DNAJC15: variants seen among roughly 807,000 people sequenced by gnomAD.
The protein encoded by DNAJC15 is dnaJ homolog subfamily C member 15.
DNAJC15 carries 27 observed loss-of-function variants against 22.4 expected under a neutral mutation model. The observed-to-expected ratio is 1.20, with a 90% CI of 0.89 to 1.66. The LOEUF is 1.66. Ranked by LOEUF, DNAJC15 falls within the 40% of genes most tolerant of loss-of-function variation. The pLI, the probability that DNAJC15 is intolerant of heterozygous loss-of-function variation, is 0.00. For missense variants in DNAJC15, 208 were observed against 187.1 expected (o/e 1.11, Z -0.65); for synonymous variants, 79 against 63.2 (o/e 1.25, Z -1.19).
chr13:43,109,336 T>C lies in DNAJC15; in HGVS notation c.*2088T>C, dbSNP rs2040813778. The C allele has an allele frequency of 6.6e-6, 1 of 152,234 alleles. No individual in the cohort carries two copies. The highest frequency in any genetic ancestry group is 1.5e-5 in the Non-Finnish European group (1 of 68,026). The allele number at this position is 152,234 out of a possible 1,614,324, so 9.4% of individuals were successfully genotyped here. ...ATTCATCTTTGTAACCTCTTTACTCTGGAGCACTTGCATTTAGCAGGCATC... is the reference window on the plus strand; with the variant it reads ...ATTCATCTTTGTAACCTCTTTACTCCGGAGCACTTGCATTTAGCAGGCATC... On this transcript the variant is annotated 3_prime_UTR_variant, in exon 6 of 6. Transcript: ENST00000379221.
intron 1 of DNAJC15, among the ~76,000 whole-genome samples, chr13:43,052,363 A>G (rs1463265144): frequency 2.0e-5 from 3 of 151,990 alleles, no homozygotes; most frequent in East Asian, 1.9e-4. Flanking sequence ...ATGTTGAGCC[A>G]TATGTTTTTT....
At chr13:43,031,095 C>T (rs935169349) in intron 1 of DNAJC15, among the ~76,000 whole-genome samples, 9 of 152,114 alleles carry the variant, frequency 5.9e-5, no homozygotes, top group African/African-American at 2.2e-4. Context: ...GAGGGGATGA[C>T]TGGGTTAAAT....
intron 1 of DNAJC15, among the ~76,000 whole-genome samples, chr13:43,035,723 A>G (rs2153439594): frequency 6.6e-6 from 1 of 152,024 alleles, no homozygotes; most frequent in African/African-American, 2.4e-5. Context: ...TTTAATTTTA[A>G]TATTTTATTT....
chr13:43,080,840 C>T (rs952323601), intron 4 of DNAJC15, among the ~76,000 whole-genome samples: 2 of 152,182 alleles, frequency 1.3e-5, no homozygotes, highest in African/African-American at 4.8e-5. Flanking sequence ...AGATATTTGT[C>T]CTAACACATT....
rs2040814666 is a variant in DNAJC15 at position 43,109,556 on chromosome 13, C to A, written c.*2308C>A. 1 of 152,190 alleles carries A rather than the reference C, an allele frequency of 6.6e-6. No homozygotes were observed. The highest frequency in any genetic ancestry group is 1.5e-5 in the Non-Finnish European group (1 of 68,034). 9.4% of individuals were successfully genotyped at this position (152,190 alleles called of 1,614,324 possible). A position where few individuals can be genotyped will look rare whatever the true frequency, so the allele number is the denominator to read the frequency against. ...TCACCCCAGCATTAGCTTGGAATTT[C>A]CTTATTTCCCATTTGCTTTGCAGGT... On this transcript the variant is annotated 3_prime_UTR_variant, in exon 6 of 6. Coordinates refer to ENST00000379221, the MANE Select transcript of DNAJC15 (RefSeq NM_013238.3).
At chr13:43,064,105 T>C (rs1422474283) in intron 1 of DNAJC15, among the ~76,000 whole-genome samples, 1 of 152,216 alleles carries the variant, frequency 6.6e-6, no homozygotes, top group East Asian at 1.9e-4. Flanking sequence ...AATCTTCTTT[T>C]ACTGAAATGG....
intron 1 of DNAJC15, among the ~76,000 whole-genome samples, chr13:43,060,988 T>G (rs942335063): frequency 2.6e-5 from 4 of 152,150 alleles, no homozygotes; most frequent in Non-Finnish European, 5.9e-5. Context: ...CTGAGCTTGT[T>G]GTGTAGGGAA....
intron 3 of DNAJC15, among the ~76,000 whole-genome samples, chr13:43,075,223 A>G (rs1363008866): frequency 6.6e-6 from 1 of 152,182 alleles, no homozygotes; most frequent in Non-Finnish European, 1.5e-5. Context: ...TCGTAATAAA[A>G]TCAGTGTTCA....
Position 43,087,929 on chromosome 13 carries a change from C to T in DNAJC15, c.382+2091C>T, listed in dbSNP as rs61366047. ...AATGTAGTGAGATAAAAAAATAATG[C>T]AGTAAAAACATTTCGTGTCCTTGAT... is the stretch of plus-strand genomic sequence containing the variant. On this transcript the variant is annotated intron_variant, in intron 5 of 5. Transcript: ENST00000379221. Among the ~76,000 whole-genome samples the T allele has an allele frequency of 3.1e-3, 474 of 152,234 alleles. 1 individual carries two copies. Among genetic ancestry groups the T allele is most frequent in the African/African-American group, 0.011 (463 of 41,550 alleles).
At chr13:43,051,965 T>A (rs951555261) in intron 1 of DNAJC15, among the ~76,000 whole-genome samples, 1 of 152,028 alleles carries the variant, frequency 6.6e-6, no homozygotes, top group African/African-American at 2.4e-5. Flanking sequence ...ATTTTTTGAT[T>A]ATTATTATTA....
At chr13:43,040,411 T>C (rs551215089) in intron 1 of DNAJC15, among the ~76,000 whole-genome samples, 1 of 152,366 alleles carries the variant, frequency 6.6e-6, no homozygotes, top group East Asian at 1.9e-4. Flanking sequence ...AATAATCTGT[T>C]ACCTGGTTAT....
At chr13:43,051,661 G>GTGTGTGTGTA (rs899772980) in intron 1 of DNAJC15, among the ~76,000 whole-genome samples, 10 of 78,106 alleles carry the variant, frequency 1.3e-4, no homozygotes, top group Admixed American at 8.6e-4. Context: ...GTGTGTGTGT[G>GTGTGTGTGTA]TATATATATC....
At chr13:43,080,423 T>G (rs1181939762) in intron 4 of DNAJC15, among the ~76,000 whole-genome samples, 1 of 152,234 alleles carries the variant, frequency 6.6e-6, no homozygotes, top group Non-Finnish European at 1.5e-5. Context: ...TATTCCATGG[T>G]GTTTATGTAC....
chr13:43,024,337 G>GTTTTTTT lies in DNAJC15; in HGVS notation c.108+621_108+627dup, dbSNP rs376910976. On this transcript the variant is annotated intron_variant, in intron 1 of 5. Coordinates refer to ENST00000379221, the MANE Select transcript of DNAJC15 (RefSeq NM_013238.3). ...TTGTGAGCCACATACGTATTTTTACGTTTTTTTTTTTTTTTTTTTTTTTTG... is the reference window on the plus strand; with the variant it reads ...TTGTGAGCCACATACGTATTTTTACGTTTTTTTTTTTTTTTTTTTTTTTTTTTTTTTG... Among the ~76,000 whole-genome samples the GTTTTTTT allele has an allele frequency of 9.2e-4, 86 of 93,382 alleles. 1 individual carries two copies. Among genetic ancestry groups the GTTTTTTT allele is most frequent in the South Asian group, 1.3e-3 (3 of 2,302 alleles). The allele number at this position is 93,382 out of a possible 152,430, so 61.3% of individuals were successfully genotyped here.
At chr13:43,105,803 A>G (rs745930228) in intron 5 of DNAJC15, among the ~76,000 whole-genome samples, 1 of 152,242 alleles carries the variant, frequency 6.6e-6, no homozygotes, top group East Asian at 1.9e-4. Context: ...TACCACATTG[A>G]CATTACCTAA....
At chr13:43,045,387 C>T (rs962419264) in intron 1 of DNAJC15, among the ~76,000 whole-genome samples, 1 of 152,174 alleles carries the variant, frequency 6.6e-6, no homozygotes, top group Non-Finnish European at 1.5e-5. Flanking sequence ...CTGGGAGCAT[C>T]GGCAAGCTAC....
intron 3 of DNAJC15, among the ~76,000 whole-genome samples, chr13:43,078,031 C>T (rs1252701075): frequency 6.6e-6 from 1 of 152,212 alleles, no homozygotes; most frequent in African/African-American, 2.4e-5. Flanking sequence ...TCTCCTCCCA[C>T]TTAAAATTCT....
At position 43,113,338 on chromosome 13, in the gene DNAJC15, T is replaced by C. The variant is rs2040833291; in HGVS notation, c.*6090T>C. The C allele has an allele frequency of 6.6e-6, 1 of 152,218 alleles. No individual in the cohort carries two copies. Among genetic ancestry groups the C allele is most frequent in the Non-Finnish European group, 1.5e-5 (1 of 68,040 alleles). 9.4% of individuals were successfully genotyped at this position (152,218 alleles called of 1,614,324 possible). ...AGTACTTTTATAGAATTCTTAAAAA[T>C]TGTTTCCTGCTGTTTATTTTCAATT... On this transcript the variant is annotated 3_prime_UTR_variant, in exon 6 of 6. Transcript: ENST00000379221.
At chr13:43,099,063 A>T (rs1156676693) in intron 5 of DNAJC15, among the ~76,000 whole-genome samples, 2 of 151,888 alleles carry the variant, frequency 1.3e-5, no homozygotes, top group African/African-American at 4.8e-5. Flanking sequence ...ATCTTCCTTA[A>T]TTTCTTTCAA....
Sources: allele counts gnomAD v4.1 joint callset (sites outside exome capture counted in the v4.1 genomes callset), GRCh38; gene constraint gnomAD v4.1.1; transcripts MANE v1.5; gene names NCBI Gene and HGNC (gene_info 2026-07-23, HGNC 2026-07-21).